The following PALS2 variants were observed in gnomAD, a reference collection of about 807,000 sequenced individuals.
PALS2 encodes the protein protein associated with LIN7 2, MAGUK p55 family member.
Under a neutral mutation model 61.6 loss-of-function variants are expected in PALS2, and 27 were observed. That is an observed-to-expected ratio of 0.44 (90% CI 0.32 to 0.60). The LOEUF (loss-of-function observed/expected upper bound fraction) is 0.60, where lower values mean the gene tolerates loss of function less well. Ranked by LOEUF, PALS2 falls within the 20% of genes least tolerant of loss-of-function variation. The pLI is 0.05. For missense variants in PALS2, 554 were observed against 639.4 expected, an observed-to-expected ratio of 0.87 and a Z score of 1.44; for synonymous variants, 236 against 218.6, an observed-to-expected ratio of 1.08 and a Z score of -0.70.
chr7:24,580,169 AT>A (rs1332700591), intron 1 of PALS2, among the ~76,000 whole-genome samples: 2 of 152,190 alleles, frequency 1.3e-5, no homozygotes, highest in African/African-American at 4.8e-5. Context: ...TTAAATGCAT[AT>A]TTCAAGGATA....
intron 1 of PALS2, among the ~76,000 whole-genome samples, chr7:24,616,187 A>G (rs1023038306): frequency 6.6e-6 from 1 of 152,142 alleles, no homozygotes; most frequent in Non-Finnish European, 1.5e-5. Flanking sequence ...AGTACTGGAA[A>G]TTCCAGCAAG....
intron 11 of PALS2, among the ~76,000 whole-genome samples, chr7:24,684,563 T>C (rs1788100024): frequency 1.3e-5 from 2 of 152,212 alleles, no homozygotes; most frequent in South Asian, 4.1e-4. Context: ...TTGTTTCTTT[T>C]AGTGGGAGAT....
chr7:24,670,792 C>T (rs909539377), intron 9 of PALS2, among the ~76,000 whole-genome samples: 4 of 152,182 alleles, frequency 2.6e-5, no homozygotes, highest in Non-Finnish European at 5.9e-5. Flanking sequence ...TGGAGTTATA[C>T]AATATGTGGT....
chr7:24,654,642 C>T (rs1248755426), intron 5 of PALS2, among the ~76,000 whole-genome samples: 2 of 152,046 alleles, frequency 1.3e-5, no homozygotes, highest in South Asian at 2.1e-4. Flanking sequence ...GACAGGAAGA[C>T]AATATTGTGA....
chr7:24,663,377 A>G lies in PALS2; in HGVS notation c.652-213A>G. On this transcript the variant is annotated intron_variant, in intron 5 of 11. Transcript: ENST00000222644. ...AACTCTTGTTGATTTAAAGTTAGAT[A>G]TTAAAGTAGAGAAGAAGTTTTATTA... The G allele has an allele frequency of 8.1e-6, 3 of 368,678 alleles. No homozygotes were observed. The South Asian group carries it at 1.9e-4, about 23-fold the overall frequency. 22.8% of individuals were successfully genotyped at this position (368,678 alleles called of 1,614,324 possible). A position where few individuals can be genotyped will look rare whatever the true frequency, so the allele number is the denominator to read the frequency against.
At chr7:24,624,472 GA>G (rs1784651150) in intron 2 of PALS2, among the ~76,000 whole-genome samples, 1 of 151,966 alleles carries the variant, frequency 6.6e-6, no homozygotes, top group African/African-American at 2.4e-5. Flanking sequence ...TGCTCTATGA[GA>G]ATGTTGATTT....
At chr7:24,605,381 A>T (rs1396629413) in intron 1 of PALS2, among the ~76,000 whole-genome samples, 1 of 152,176 alleles carries the variant, frequency 6.6e-6, no homozygotes, top group African/African-American at 2.4e-5. Flanking sequence ...TAAAAGAATA[A>T]CATGGTTTCA....
chr7:24,633,396 A>G (rs978833653), intron 2 of PALS2, among the ~76,000 whole-genome samples: 1 of 104,080 alleles, frequency 9.6e-6, no homozygotes, highest in Non-Finnish European at 1.9e-5. Context: ...ATTTCACTCT[A>G]TTCTCTGCTT....
chr7:24,652,933 G>C (rs2721800), intron 5 of PALS2, among the ~76,000 whole-genome samples: 23,944 of 152,148 alleles, frequency 0.16, 1,925 homozygotes, highest in Non-Finnish European at 0.17. Flanking sequence ...TAAATTTTGA[G>C]GGCCAGAGTG....
At chr7:24,598,892 A>G (rs1783615832) in intron 1 of PALS2, among the ~76,000 whole-genome samples, 1 of 152,314 alleles carries the variant, frequency 6.6e-6, no homozygotes, top group East Asian at 1.9e-4. Context: ...ACTTATTTTT[A>G]CTGTCAAAAA....
chr7:24,653,146 T>G (rs1786247255), intron 5 of PALS2, among the ~76,000 whole-genome samples: 1 of 152,126 alleles, frequency 6.6e-6, no homozygotes, highest in Non-Finnish European at 1.5e-5. Context: ...CATTAAAAAT[T>G]CTCAACAAAA....
intron 2 of PALS2, among the ~76,000 whole-genome samples, chr7:24,636,299 T>C (rs754716203): frequency 4.0e-5 from 6 of 150,028 alleles, no homozygotes; most frequent in Non-Finnish European, 8.9e-5. Context: ...CTAGAAAAAA[T>C]ATGTCAAAGT....
intron 1 of PALS2, among the ~76,000 whole-genome samples, chr7:24,609,090 GT>G (rs781671175): frequency 3.9e-5 from 6 of 152,146 alleles, no homozygotes; most frequent in Non-Finnish European, 8.8e-5. Context: ...AGCACCATCT[GT>G]TTTTCCCCCA....
intron 2 of PALS2, among the ~76,000 whole-genome samples, chr7:24,636,165 T>TCGTGC (rs1187106229): frequency 1.8e-4 from 25 of 139,440 alleles, no homozygotes; most frequent in Admixed American, 1.1e-3. Context: ...TGAGCCGAGA[T>TCGTGC]CACATCATTG....
In PALS2 at chr7:24,693,731, AAC is replaced by A. The variant is rs1788580936; in HGVS notation, c.*6120_*6121del. The A allele has an allele frequency of 6.6e-6, 1 of 152,154 alleles. No individual in the cohort carries two copies. The highest frequency in any genetic ancestry group is 1.5e-5 in the Non-Finnish European group (1 of 68,006). 9.4% of individuals were successfully genotyped at this position (152,154 alleles called of 1,614,324 possible). A position where few individuals can be genotyped will look rare whatever the true frequency, so the allele number is the denominator to read the frequency against. On this transcript the variant is annotated 3_prime_UTR_variant, in exon 12 of 12. Transcript: ENST00000222644. ...GCTGACTGGCTCCTGTCTCTTCAGT[AAC>A]ACTGATTTTTTTTTAAAGAAGTGAT...
intron 3 of PALS2, among the ~76,000 whole-genome samples, chr7:24,645,723 A>G (rs967661249): frequency 2.6e-5 from 4 of 152,182 alleles, no homozygotes; most frequent in African/African-American, 7.2e-5. Context: ...AGCCATTTTA[A>G]TAATATTGGT....
chr7:24,593,860 G>T (rs1783395764), intron 1 of PALS2, among the ~76,000 whole-genome samples: 1 of 152,170 alleles, frequency 6.6e-6, no homozygotes, highest in Admixed American at 6.6e-5. Flanking sequence ...GGTAAATGAG[G>T]ATTGGCTTCA....
intron 3 of PALS2, among the ~76,000 whole-genome samples, chr7:24,646,054 T>C (rs558473752): frequency 1.3e-5 from 2 of 152,322 alleles, no homozygotes; most frequent in South Asian, 2.1e-4. Flanking sequence ...GCTTTTGGGC[T>C]GAGACTATGG....
chr7:24,667,344 A>T (rs1454408791), intron 8 of PALS2, among the ~76,000 whole-genome samples: 1 of 152,148 alleles, frequency 6.6e-6, no homozygotes, highest in Non-Finnish European at 1.5e-5. Context: ...TCAAAATCTT[A>T]ATATTTAAAT....
Sources: gnomAD v4.1 joint callset for allele counts (sites outside exome capture counted in the v4.1 genomes callset) on GRCh38, gnomAD v4.1.1 for gene constraint, MANE v1.5 for transcripts, NCBI Gene and HGNC (gene_info 2026-07-23, HGNC 2026-07-21) for gene names.